HDAC9: variants seen among roughly 807,000 people sequenced by gnomAD.
HDAC9 encodes histone deacetylase 9, also known as MEF-2 interacting transcription repressor (MITR) protein.
Under a neutral mutation model 139.4 loss-of-function variants are expected in HDAC9, and 41 were observed. The observed-to-expected ratio is 0.29, with a 90% CI of 0.23 to 0.38. The LOEUF (loss-of-function observed/expected upper bound fraction) is 0.38. HDAC9 is among the 10% of genes least tolerant of loss of function. The pLI is 1.00. For synonymous variants in HDAC9, 517 were observed against 476.2 expected, an observed-to-expected ratio of 1.09 and a Z score of -1.12; for missense variants, 1,147 against 1,297.0, an observed-to-expected ratio of 0.88 and a Z score of 1.78.
chr7:18,695,381 CA>C (rs1472360011), intron 12 of HDAC9, among the ~76,000 whole-genome samples: 15 of 152,224 alleles, frequency 9.9e-5, no homozygotes, highest in African/African-American at 3.6e-4. Flanking sequence ...AATTATTTAA[CA>C]AATAATATCA....
intron 22 of HDAC9, among the ~76,000 whole-genome samples, chr7:18,886,305 C>T (rs911156073): frequency 1.3e-5 from 2 of 152,152 alleles, no homozygotes; most frequent in Admixed American, 1.3e-4. Flanking sequence ...AGGATGACTG[C>T]TGCTTAACTT....
chr7:18,299,683 G>T (rs1305001161), intron 1 of HDAC9, among the ~76,000 whole-genome samples: 2 of 152,176 alleles, frequency 1.3e-5, no homozygotes, highest in Non-Finnish European at 2.9e-5. Context: ...TTGTAAAACA[G>T]GTTGGTGCTG....
chr7:18,179,338 C>G (rs956184491), intron 2 of HDAC9, among the ~76,000 whole-genome samples: 1 of 152,088 alleles, frequency 6.6e-6, no homozygotes, highest in African/African-American at 2.4e-5. Flanking sequence ...AGGGACTTGC[C>G]CCAGTCCAAA....
chr7:18,965,445 G>A (rs1027960868), intron 24 of HDAC9, among the ~76,000 whole-genome samples: 7 of 152,178 alleles, frequency 4.6e-5, no homozygotes, highest in Non-Finnish European at 7.3e-5. Flanking sequence ...TCTGTTACAT[G>A]TTGGGAGATT....
At chr7:18,670,573 GTAT>G (rs1795609526) in intron 12 of HDAC9, among the ~76,000 whole-genome samples, 1 of 152,024 alleles carries the variant, frequency 6.6e-6, no homozygotes, top group Admixed American at 6.6e-5. Flanking sequence ...GATGAAGGAG[GTAT>G]TATTATCATC....
rs117120434 is a variant in HDAC9, at chr7:18,169,620, C to T, written c.25+7271C>T. The stretch of plus-strand genomic sequence containing the variant: ...TGCTATCCCTCCCCCTGTCCCCCAC[C>T]GCACGACAGGCCCCGGTGTGTGATG... On this transcript the variant is annotated intron_variant, in intron 2 of 12. Coordinates refer to the HDAC9 transcript ENST00000417496. 1.6e-3 allele frequency among the ~76,000 whole-genome samples: 240 copies of T among 152,208 alleles called. 2 individuals carry two copies. The East Asian group carries it at 0.038, about 24-fold the overall frequency.
chr7:18,458,036 G>A (rs527711243), intron 1 of HDAC9, among the ~76,000 whole-genome samples: 16 of 152,270 alleles, frequency 1.1e-4, no homozygotes, highest in East Asian at 3.9e-4. Flanking sequence ...TTATAAAAAC[G>A]TTAAGGCTGA....
chr7:18,214,583 T>C (rs1792167918), intron 2 of HDAC9, among the ~76,000 whole-genome samples: 1 of 152,068 alleles, frequency 6.6e-6, no homozygotes, highest in Non-Finnish European at 1.5e-5. Flanking sequence ...AGAATTACAC[T>C]GATGGGTAGT....
At chr7:18,557,454 CTTTAT>C (rs1453227550) in intron 2 of HDAC9, among the ~76,000 whole-genome samples, 1 of 144,766 alleles carries the variant, frequency 6.9e-6, no homozygotes, top group Non-Finnish European at 1.5e-5. Flanking sequence ...TATGTGTGTT[CTTTAT>C]TTTAGTTATG....
intron 22 of HDAC9, among the ~76,000 whole-genome samples, chr7:18,885,624 C>T (rs921369784): frequency 5.3e-5 from 8 of 152,104 alleles, no homozygotes; most frequent in South Asian, 2.1e-4. Context: ...TCTAGACTTC[C>T]GCCTTCATTT....
At chr7:18,223,056 G>A (rs1315038865) in intron 2 of HDAC9, among the ~76,000 whole-genome samples, 2 of 152,072 alleles carry the variant, frequency 1.3e-5, no homozygotes, top group Admixed American at 6.5e-5. Context: ...TGCCAGTCAG[G>A]TGAGAAAAAA....
intron 1 of HDAC9, among the ~76,000 whole-genome samples, chr7:18,451,712 TGG>T (rs1219936752): frequency 6.6e-6 from 1 of 150,950 alleles, no homozygotes; most frequent in Non-Finnish European, 1.5e-5. Flanking sequence ...GGGGGTTGGG[TGG>T]GGGGAAACAT....
At chr7:18,614,609 A>G (rs1056145348) in intron 6 of HDAC9, among the ~76,000 whole-genome samples, 4 of 152,104 alleles carry the variant, frequency 2.6e-5, no homozygotes, top group African/African-American at 9.7e-5. Flanking sequence ...GATGCTTAGT[A>G]CTTGTTAAGA....
At chr7:18,493,715 G>C (rs1016826067), upstream of HDAC9, among the ~76,000 whole-genome samples, 2 of 151,228 alleles carry the variant, frequency 1.3e-5, no homozygotes, top group African/African-American at 4.9e-5. Context: ...GAAATATAAA[G>C]AATCTTGATT....
At position 18,727,585 on chromosome 7, in the gene HDAC9, C is replaced by G; in HGVS notation, c.1737C>G (p.Phe579Leu). 1 of 1,594,240 alleles carries G rather than the reference C, an allele frequency of 6.3e-7. No individual in the cohort carries two copies. Among genetic ancestry groups the G allele is most frequent in the South Asian group, 1.1e-5 (1 of 87,344 alleles). The part of the protein sequence containing the change: ...GEQAAFMQQP[F>L]LEPTHTRALS... The stretch of plus-strand genomic sequence containing the variant: ...TGCTCTTTTCTTGGCAACAGCCTTT[C>G]CTGGAACCCACGCACACACGTGCGC... Residue 579 changes from phenylalanine to leucine, a missense_variant, in exon 13 of 26, where the codon TTC (phenylalanine) becomes TTG (leucine). Phe to Leu is a conservative substitution (Grantham distance 22). Coordinates refer to ENST00000686413, the MANE Select transcript of HDAC9 (RefSeq NM_178425.4).
At chr7:18,912,892 C>G (rs186317754) in intron 22 of HDAC9, among the ~76,000 whole-genome samples, 59 of 152,102 alleles carry the variant, frequency 3.9e-4, no homozygotes, top group Admixed American at 2.4e-3. Flanking sequence ...AGAATATGCT[C>G]ATGCACCTTG....
At chr7:18,483,214 G>A (rs1210589963) in intron 1 of HDAC9, among the ~76,000 whole-genome samples, 1 of 152,160 alleles carries the variant, frequency 6.6e-6, no homozygotes, top group Non-Finnish European at 1.5e-5. Flanking sequence ...GAAAACAAAG[G>A]CTTCAATGAG....
intron 1 of HDAC9, among the ~76,000 whole-genome samples, chr7:18,487,232 G>T (rs1796038449): frequency 6.6e-6 from 1 of 152,026 alleles, no homozygotes; most frequent in Non-Finnish European, 1.5e-5. Context: ...AAGAAAGTCT[G>T]TTGTAGTAAT....
intron 15 of HDAC9, among the ~76,000 whole-genome samples, chr7:18,763,613 C>G (rs1238091329): frequency 6.6e-6 from 1 of 152,084 alleles, no homozygotes; most frequent in Non-Finnish European, 1.5e-5. Context: ...TAAAATACCT[C>G]TTTTGCTGCA....
Sources: allele counts gnomAD v4.1 joint callset (sites outside exome capture counted in the v4.1 genomes callset), GRCh38; gene constraint gnomAD v4.1.1; transcripts MANE v1.5; gene names NCBI Gene and HGNC (gene_info 2026-07-23, HGNC 2026-07-21).